FGF12: variants seen among roughly 807,000 people sequenced by gnomAD.
The protein encoded by FGF12 is fibroblast growth factor 12B.
Under a neutral mutation model 23.6 loss-of-function variants are expected in FGF12, and 14 were observed. That is an observed-to-expected ratio of 0.59 (90% CI 0.39 to 0.93). The LOEUF is 0.93. Among genes scored for constraint, FGF12 ranks in the 40% least tolerant of loss-of-function variants. The pLI is 0.00. For missense variants in FGF12, 175 were observed against 217.8 expected (o/e 0.80, Z 1.24); for synonymous variants, 62 against 77.3 (o/e 0.80, Z 1.04).
At chr3:192,568,177 T>C (rs1712430640) in intron 2 of FGF12, among the ~76,000 whole-genome samples, 1 of 152,130 alleles carries the variant, frequency 6.6e-6, no homozygotes, top group South Asian at 2.1e-4. Context: ...GGATTTAGGG[T>C]CCACCTAGAT....
intron 4 of FGF12, among the ~76,000 whole-genome samples, chr3:192,306,147 A>G (rs1414275197): frequency 1.3e-5 from 2 of 152,168 alleles, no homozygotes; most frequent in Admixed American, 1.3e-4. Flanking sequence ...CATTACAAAT[A>G]TGAAAATTTT....
rs111821693 is a variant in FGF12, at chr3:192,665,386, A to G, written c.13+61795T>C. On this transcript the variant is annotated intron_variant, in intron 2 of 5. Transcript: ENST00000445105. ...ACCATAAGTGATAAACCTGAAATCA[A>G]TAAAGGATGTGCCTTCATATACCCC... Among the ~76,000 whole-genome samples, 569 of 152,320 alleles carry G rather than the reference A, an allele frequency of 3.7e-3. 3 individuals carry two copies. The highest frequency in any genetic ancestry group is 0.013 in the African/African-American group (539 of 41,558).
intron 5 of FGF12, among the ~76,000 whole-genome samples, chr3:192,149,299 C>T (rs1410842600): frequency 3.4e-5 from 5 of 146,372 alleles, no homozygotes; most frequent in Non-Finnish European, 7.5e-5. Context: ...TAAGGAATGA[C>T]TGGCAGCATT....
At position 192,408,234 on chromosome 3, in the gene FGF12, C is replaced by A. The variant is rs1409036539; in HGVS notation, c.14-47696G>T. 1.3e-6 allele frequency: 2 copies of A among 1,589,938 alleles called. No homozygotes were observed. Among genetic ancestry groups the A allele is most frequent in the Non-Finnish European group, 1.7e-6 (2 of 1,172,606 alleles). On this transcript the variant is annotated intron_variant, in intron 2 of 5. Coordinates refer to ENST00000445105, the MANE Select transcript of FGF12 (RefSeq NM_004113.6). This position sits in a 1 kb window ranked among gnomAD's most constrained non-coding sequence, Gnocchi z 7.3. ...TATCGCCGCAGCCATAGCTGCTCAG[C>A]GAGGGCCTCAGGCCCCAGCCTCTAC...
intron 4 of FGF12, among the ~76,000 whole-genome samples, chr3:192,175,129 G>A (rs1274648339): frequency 6.6e-6 from 1 of 152,036 alleles, no homozygotes; most frequent in Non-Finnish European, 1.5e-5. Flanking sequence ...ATTCAGAAGG[G>A]GTTCTGTGGT....
At chr3:192,284,258 A>T (rs1714318446) in intron 4 of FGF12, among the ~76,000 whole-genome samples, 1 of 152,114 alleles carries the variant, frequency 6.6e-6, no homozygotes, top group South Asian at 2.1e-4. Flanking sequence ...GAATATTCGC[A>T]TTTTACCTTT....
chr3:192,723,019 G>A (rs1177274701), intron 2 of FGF12, among the ~76,000 whole-genome samples: 4 of 152,096 alleles, frequency 2.6e-5, no homozygotes, highest in South Asian at 4.2e-4. Context: ...ATCTCAAAAG[G>A]GTTGAACAGA....
chr3:192,346,038 A>T (rs1246867922), intron 3 of FGF12, among the ~76,000 whole-genome samples: 1 of 108,214 alleles, frequency 9.2e-6, no homozygotes, highest in Non-Finnish European at 1.7e-5. Flanking sequence ...TTTTTTAGAA[A>T]TTAGGGATAA....
intron 2 of FGF12, among the ~76,000 whole-genome samples, chr3:192,442,854 A>T (rs148309302): frequency 1.4e-5 from 2 of 147,932 alleles, no homozygotes; most frequent in Non-Finnish European, 3.0e-5. Flanking sequence ...GTCACCCAGG[A>T]TGGAGTGCAG....
chr3:192,718,503 C>T (rs1124143), intron 2 of FGF12, among the ~76,000 whole-genome samples: 33,075 of 151,868 alleles, frequency 0.22, 3,920 homozygotes, highest in East Asian at 0.38. Context: ...TGCCTCTAAT[C>T]CACTCTTGTT....
At chr3:192,238,592 A>G (rs569447146) in intron 4 of FGF12, 11 of 152,320 alleles carry the variant, frequency 7.2e-5, no homozygotes, top group African/African-American at 2.6e-4. Flanking sequence ...AAGCAGAAAG[A>G]CTTCAATTAT....
At chr3:192,535,211 T>A (rs960024321) in intron 2 of FGF12, among the ~76,000 whole-genome samples, 2 of 152,206 alleles carry the variant, frequency 1.3e-5, no homozygotes, top group South Asian at 4.1e-4. Flanking sequence ...GTTTTTCATA[T>A]TTGGTACTAG....
intron 2 of FGF12, among the ~76,000 whole-genome samples, chr3:192,694,112 A>G (rs1718031146): frequency 6.6e-6 from 1 of 152,196 alleles, no homozygotes; most frequent in Non-Finnish European, 1.5e-5. Context: ...CATTTCTCCA[A>G]GGAGGACATA....
intron 2 of FGF12, among the ~76,000 whole-genome samples, chr3:192,439,075 C>G (rs983955272): frequency 1.3e-5 from 2 of 152,204 alleles, no homozygotes; most frequent in Non-Finnish European, 2.9e-5. Context: ...ATGAGATCGA[C>G]TGCCTTTTTC....
chr3:192,716,917 T>G (rs1718883648), intron 2 of FGF12, among the ~76,000 whole-genome samples: 1 of 152,184 alleles, frequency 6.6e-6, no homozygotes, highest in African/African-American at 2.4e-5. Context: ...GAACAGTTAT[T>G]CAATGTGAGG....
At chr3:192,563,617 T>C (rs892902836) in intron 2 of FGF12, among the ~76,000 whole-genome samples, 1 of 152,208 alleles carries the variant, frequency 6.6e-6, no homozygotes, top group Non-Finnish European at 1.5e-5. Flanking sequence ...CACAATTACA[T>C]AGTGCTTTGT....
At position 192,514,808 on chromosome 3, in the gene FGF12, A is replaced by G. The variant is rs1724610688; in HGVS notation, c.14-154270T>C. 1 of 985,308 alleles carries G rather than the reference A, an allele frequency of 1.0e-6. No individual in the cohort carries two copies. Among genetic ancestry groups the G allele is most frequent in the African/African-American group, 1.7e-5 (1 of 57,318 alleles). The allele number at this position is 985,308 out of a possible 1,614,324, so 61.0% of individuals were successfully genotyped here. A position where few individuals can be genotyped will look rare whatever the true frequency, so the allele number is the denominator to read the frequency against. Reference sequence around the variant, plus strand: ...CAACTCCCCGCCCACCTGCGCTAGTAGTCCAACCAACAGGCGGCCTGTCTT... The same window carrying G: ...CAACTCCCCGCCCACCTGCGCTAGTGGTCCAACCAACAGGCGGCCTGTCTT... On this transcript the variant is annotated intron_variant, in intron 2 of 5. Transcript: ENST00000445105. The surrounding 1 kb of genome is among the most constrained non-coding windows in gnomAD (Gnocchi z 4.9).
chr3:192,536,508 G>A (rs767977182), intron 2 of FGF12, among the ~76,000 whole-genome samples: 31 of 152,136 alleles, frequency 2.0e-4, no homozygotes, highest in African/African-American at 4.1e-4. Context: ...ACAAGTCTCC[G>A]AAAGTGTATT....
chr3:192,484,072 T>C (rs950327907), intron 2 of FGF12, among the ~76,000 whole-genome samples: 4 of 152,076 alleles, frequency 2.6e-5, no homozygotes, highest in African/African-American at 9.7e-5. Flanking sequence ...ACTGATTTTA[T>C]CCCTGATAGC....
Sources: gnomAD v4.1 joint callset for allele counts (sites outside exome capture counted in the v4.1 genomes callset) on GRCh38, gnomAD v4.1.1 for gene constraint, Gnocchi (gnomAD v3.1) non-coding constraint, MANE v1.5 for transcripts, NCBI Gene and HGNC (gene_info 2026-07-23, HGNC 2026-07-21) for gene names.